Variants in ANKS1B observed in about 807,000 individuals in gnomAD.
ANKS1B encodes the protein ankyrin repeat and sterile alpha motif domain-containing protein 1B.
A neutral mutation model predicts 148.3 loss-of-function variants in ANKS1B; 36 were observed. The ratio of observed to expected loss-of-function variants is 0.24; its 90% CI spans 0.19 to 0.32. The LOEUF is 0.32. Ranked by LOEUF, ANKS1B falls within the 10% of genes least tolerant of loss-of-function variation. The pLI, the probability that ANKS1B is intolerant of heterozygous loss-of-function variation, is 1.00. For missense variants in ANKS1B, 1,157 were observed against 1,542.6 expected, an observed-to-expected ratio of 0.75 and a Z score of 4.19; for synonymous variants, 542 against 560.8, an observed-to-expected ratio of 0.97 and a Z score of 0.47.
intron 9 of ANKS1B, among the ~76,000 whole-genome samples, chr12:99,606,238 C>T (rs1291989943): frequency 6.6e-6 from 1 of 151,838 alleles, no homozygotes; most frequent in Non-Finnish European, 1.5e-5. Flanking sequence ...TCATTATTAA[C>T]CCCTTGTCAG....
chr12:99,584,718 C>T (rs1188343637), intron 9 of ANKS1B, among the ~76,000 whole-genome samples: 1 of 152,090 alleles, frequency 6.6e-6, no homozygotes, highest in African/African-American at 2.4e-5. Context: ...ACAATCATGG[C>T]AGAAGGTGAA....
chr12:99,883,442 A>G (rs1383184978), intron 1 of ANKS1B, among the ~76,000 whole-genome samples: 1 of 152,256 alleles, frequency 6.6e-6, no homozygotes, highest in Non-Finnish European at 1.5e-5. Flanking sequence ...AACATCAAAT[A>G]TAGTTTTTTG....
At chr12:99,063,831 C>A (rs1275732932) in intron 16 of ANKS1B, among the ~76,000 whole-genome samples, 1 of 152,142 alleles carries the variant, frequency 6.6e-6, no homozygotes, top group Admixed American at 6.5e-5. Flanking sequence ...TGTTGGAAAG[C>A]AAGGAGTGAT....
intron 8 of ANKS1B, among the ~76,000 whole-genome samples, chr12:99,700,458 T>C (rs1471377720): frequency 6.6e-6 from 1 of 152,172 alleles, no homozygotes; most frequent in Non-Finnish European, 1.5e-5. Flanking sequence ...TAAGGATTTA[T>C]TACACACTGT....
intron 17 of ANKS1B, among the ~76,000 whole-genome samples, chr12:99,004,978 G>A (rs2099935286): frequency 6.6e-6 from 1 of 152,162 alleles, no homozygotes; most frequent in African/African-American, 2.4e-5. Context: ...ATAATTGCCT[G>A]TGCCCTCGCA....
At chr12:98,813,990 C>A (rs1000121894) in intron 19 of ANKS1B, among the ~76,000 whole-genome samples, 4 of 152,282 alleles carry the variant, frequency 2.6e-5, no homozygotes, top group East Asian at 1.9e-4. Context: ...AAGTGATTCT[C>A]CTGCCTCAAC....
chr12:99,527,881 A>G (rs1387651658), intron 9 of ANKS1B, among the ~76,000 whole-genome samples: 7 of 142,280 alleles, frequency 4.9e-5, no homozygotes. Context: ...TTCATATGGG[A>G]CCAAAAAAAA....
chr12:99,438,128 C>G (rs1298558616), intron 11 of ANKS1B, among the ~76,000 whole-genome samples: 2 of 151,852 alleles, frequency 1.3e-5, no homozygotes, highest in South Asian at 2.1e-4. Context: ...ATGATTCTCT[C>G]TCTCTTTTTT....
chr12:99,595,526 T>C (rs889852238), intron 9 of ANKS1B, among the ~76,000 whole-genome samples: 1 of 151,964 alleles, frequency 6.6e-6, no homozygotes, highest in African/African-American at 2.4e-5. Flanking sequence ...AGAGGAAATC[T>C]TATTAGTATT....
At position 99,910,354 on chromosome 12, in the gene ANKS1B, CAAAAAAA is replaced by C. The variant is rs57222450; in HGVS notation, c.134+73743_134+73749del. Among the ~76,000 whole-genome samples, 33 of 51,108 alleles carry C rather than the reference CAAAAAAA, an allele frequency of 6.5e-4. 1 individual carries two copies. Among genetic ancestry groups the C allele is most frequent in the South Asian group, 4.2e-3 (4 of 960 alleles). The allele number at this position is 51,108 out of a possible 152,430, so 33.5% of individuals were successfully genotyped here. On this transcript the variant is annotated intron_variant, in intron 1 of 26. Transcript: ENST00000683438. ...TGGGCTACAGGGCAAGACTCCATCT[CAAAAAAA>C]AAAAAAAAAAAAAAAAGAGGAATAA... is the stretch of plus-strand genomic sequence containing the variant.
At chr12:99,305,907 T>C (rs978682615) in intron 12 of ANKS1B, among the ~76,000 whole-genome samples, 1 of 152,168 alleles carries the variant, frequency 6.6e-6, no homozygotes, top group African/African-American at 2.4e-5. Flanking sequence ...GAAACCTACA[T>C]AAATGGTAAA....
intron 17 of ANKS1B, among the ~76,000 whole-genome samples, chr12:98,966,499 C>T (rs1446023577): frequency 6.6e-6 from 1 of 152,148 alleles, no homozygotes; most frequent in Non-Finnish European, 1.5e-5. Flanking sequence ...GGCGATTCCT[C>T]AAGGATCTAG....
At chr12:99,041,878 C>G (rs2099959240) in intron 17 of ANKS1B, among the ~76,000 whole-genome samples, 1 of 151,842 alleles carries the variant, frequency 6.6e-6, no homozygotes, top group Non-Finnish European at 1.5e-5. Flanking sequence ...TGGTGTGCGC[C>G]TAGTCCCAGC....
intron 10 of ANKS1B, among the ~76,000 whole-genome samples, chr12:99,481,163 GTT>G (rs1322081712): frequency 2.0e-5 from 3 of 151,490 alleles, no homozygotes; most frequent in African/African-American, 7.3e-5. Flanking sequence ...TGTGTAGTTT[GTT>G]TTTTTATCCC....
intron 16 of ANKS1B, among the ~76,000 whole-genome samples, chr12:99,055,437 A>T (rs2153538718): frequency 6.6e-6 from 1 of 152,324 alleles, no homozygotes; most frequent in South Asian, 2.1e-4. Flanking sequence ...GGTCAAAGTC[A>T]GTTGTCTCAT....
intron 12 of ANKS1B, among the ~76,000 whole-genome samples, chr12:99,368,857 G>A (rs536149197): frequency 1.3e-3 from 198 of 152,056 alleles, no homozygotes; most frequent in African/African-American, 4.5e-3. Flanking sequence ...AAAAGCTGTC[G>A]CCAATACCCA....
At chr12:99,683,919 G>C (rs2098635375) in intron 8 of ANKS1B, among the ~76,000 whole-genome samples, 1 of 151,948 alleles carries the variant, frequency 6.6e-6, no homozygotes, top group African/African-American at 2.4e-5. Context: ...TCCCTTTATG[G>C]TTAAAATCCT....
rs34024548 is a variant in ANKS1B at position 99,193,793 on chromosome 12, C to CTTTTTTTTTTTTTTTT, written c.2420-39414_2420-39399dup. Among the ~76,000 whole-genome samples, 10 of 66,840 alleles carry CTTTTTTTTTTTTTTTT rather than the reference C, an allele frequency of 1.5e-4. 1 individual carries two copies. The highest frequency in any genetic ancestry group is 2.1e-4 in the Non-Finnish European group (8 of 38,150). The allele number at this position is 66,840 out of a possible 152,430, so 43.8% of individuals were successfully genotyped here. ...ACAGATTTTCCATGTATTTCTAGTT[C>CTTTTTTTTTTTTTTTT]TTTTTTTTTTTTTTTTTTTTTTTTT... On this transcript the variant is annotated intron_variant, in intron 14 of 26. Transcript: ENST00000683438.
At chr12:99,173,156 T>A (rs1566549309) in intron 14 of ANKS1B, among the ~76,000 whole-genome samples, 1 of 152,166 alleles carries the variant, frequency 6.6e-6, no homozygotes, top group Non-Finnish European at 1.5e-5. Context: ...GAATTTATTT[T>A]TTTCATCTTA....
Sources: gnomAD v4.1 joint callset for allele counts (sites outside exome capture counted in the v4.1 genomes callset) on GRCh38, gnomAD v4.1.1 for gene constraint, MANE v1.5 for transcripts, NCBI Gene and HGNC (gene_info 2026-07-23, HGNC 2026-07-21) for gene names.